The following C2CD3 variants were observed in gnomAD, a reference collection of about 807,000 sequenced individuals.
C2CD3 encodes the protein C2 domain-containing protein 3.
Under a neutral mutation model 234.0 loss-of-function variants are expected in C2CD3, and 148 were observed. That is an observed-to-expected ratio of 0.63 (90% confidence interval 0.55 to 0.72). The LOEUF (loss-of-function observed/expected upper bound fraction) is 0.72. Ranked by LOEUF, C2CD3 falls within the 30% of genes least tolerant of loss-of-function variation. The probability of loss-of-function intolerance (pLI) is 0.00; values close to 1 mark genes in which losing one functional copy is unlikely to be tolerated. For synonymous variants in C2CD3, 1,000 were observed against 1,035.4 expected, an observed-to-expected ratio of 0.97 and a Z score of 0.66; for missense variants, 2,577 against 2,811.5, an observed-to-expected ratio of 0.92 and a Z score of 1.89.
At position 74,139,763 on chromosome 11, in the gene C2CD3, G is replaced by A. The variant is rs1465772934; in HGVS notation, c.549C>T (p.Asp183=). 6.2e-7 allele frequency: 1 copy of A among 1,613,736 alleles called. No homozygotes were observed. Among genetic ancestry groups the A allele is most frequent in the Non-Finnish European group, 8.5e-7 (1 of 1,179,638 alleles). Residue 183 remains aspartate (D), a synonymous_variant, in exon 4 of 33, where the codon GAC becomes GAT. Transcript: ENST00000334126. ...YDSYHPLPTT[D]MTENVLLSKQ... Reference sequence around the variant, plus strand: ...TAGATAAAAGCACATTTTCTGTCATGTCAGTGGTAGGAAGTGGATGGTAGC... The same window carrying A: ...TAGATAAAAGCACATTTTCTGTCATATCAGTGGTAGGAAGTGGATGGTAGC...
intron 7 of C2CD3, among the ~76,000 whole-genome samples, chr11:74,125,099 C>A (rs544970423): frequency 5.5e-4 from 83 of 152,214 alleles, no homozygotes; most frequent in Non-Finnish European, 1.1e-3. Flanking sequence ...AGCTGACTGA[C>A]TCCTCAGAGG....
Position 74,170,865 on chromosome 11 carries a change from C to A in C2CD3, c.-73G>T, listed in dbSNP as rs1857164239. 3 of 1,602,838 alleles carry A rather than the reference C, an allele frequency of 1.9e-6. No homozygotes were observed. In the East Asian group the frequency reaches 6.7e-5, roughly 36 times the overall value. Reference sequence around the variant, plus strand: ...TAAGCAGTATCCTCCCGCCATCCCTCCCCACGGCGCCTGCGTTCCCCGGCA... The same window carrying A: ...TAAGCAGTATCCTCCCGCCATCCCTACCCACGGCGCCTGCGTTCCCCGGCA... On this transcript the variant is annotated 5_prime_UTR_variant, in exon 1 of 33. Coordinates refer to ENST00000334126, the MANE Select transcript of C2CD3 (RefSeq NM_001286577.2).
intron 24 of C2CD3, among the ~76,000 whole-genome samples, chr11:74,071,328 G>A (rs1322960377): frequency 2.6e-5 from 4 of 152,164 alleles, no homozygotes; most frequent in Non-Finnish European, 2.9e-5. Flanking sequence ...CTTTCCAGAC[G>A]TCACTGTTGT....
At chr11:74,165,526 TAAATA>T (rs1856749220) in intron 2 of C2CD3, among the ~76,000 whole-genome samples, 2 of 152,126 alleles carry the variant, frequency 1.3e-5, no homozygotes, top group African/African-American at 2.4e-5. Context: ...CACAAAAGAG[TAAATA>T]AAATAATAAT....
At chr11:74,130,326 A>G (rs1030963353) in intron 7 of C2CD3, among the ~76,000 whole-genome samples, 15 of 151,948 alleles carry the variant, frequency 9.9e-5, no homozygotes, top group Non-Finnish European at 1.5e-4. Context: ...CCTGGGCTCA[A>G]GTAATCCTCC....
chr11:74,064,704 G>T (rs1954422454), intron 24 of C2CD3, among the ~76,000 whole-genome samples: 1 of 152,174 alleles, frequency 6.6e-6, no homozygotes, highest in Non-Finnish European at 1.5e-5. Flanking sequence ...AAACAGCATG[G>T]TACTGGTACC....
At chr11:74,122,910 A>C in intron 8 of C2CD3, 78 bp downstream of exon 8, 1 of 643,220 alleles carries the variant, frequency 1.6e-6, no homozygotes. Context: ...TAAAATGCAT[A>C]GCTGTCATGC....
intron 25 of C2CD3, among the ~76,000 whole-genome samples, chr11:74,056,627 T>C (rs531996726): frequency 3.3e-5 from 5 of 152,282 alleles, no homozygotes; most frequent in South Asian, 2.1e-4. Flanking sequence ...AGAGATGGAG[T>C]TGGAGACCAA....
chr11:74,067,950 A>G (rs1275900965), intron 24 of C2CD3, among the ~76,000 whole-genome samples: 1 of 152,156 alleles, frequency 6.6e-6, no homozygotes, highest in Non-Finnish European at 1.5e-5. Context: ...AAGGATGATG[A>G]TGTAGAGACA....
At chr11:74,084,676 T>C (rs1390019988) in intron 22 of C2CD3, among the ~76,000 whole-genome samples, 1 of 151,908 alleles carries the variant, frequency 6.6e-6, no homozygotes, top group Non-Finnish European at 1.5e-5. Context: ...GTATTCCCGA[T>C]TGCAAATAAA....
At chr11:74,142,633 C>T (rs1854881335) in intron 3 of C2CD3, among the ~76,000 whole-genome samples, 1 of 152,002 alleles carries the variant, frequency 6.6e-6, no homozygotes, top group African/African-American at 2.4e-5. Context: ...GAAATACAAA[C>T]ATTTGAGCTT....
At chr11:74,162,708 A>C (rs918192414) in intron 2 of C2CD3, among the ~76,000 whole-genome samples, 1 of 152,264 alleles carries the variant, frequency 6.6e-6, no homozygotes, top group Non-Finnish European at 1.5e-5. Flanking sequence ...TATTTAGCAT[A>C]GCAAGTATTT....
chr11:74,138,559 C>T (rs1447339220), intron 5 of C2CD3, among the ~76,000 whole-genome samples, 161 bp downstream of exon 5: 1 of 152,162 alleles, frequency 6.6e-6, no homozygotes, highest in Non-Finnish European at 1.5e-5. Flanking sequence ...TTTAATACGG[C>T]TGTCTTTAAA....
intron 8 of C2CD3, among the ~76,000 whole-genome samples, chr11:74,119,434 A>G (rs1470325498): frequency 6.6e-6 from 1 of 152,152 alleles, no homozygotes; most frequent in Non-Finnish European, 1.5e-5. Flanking sequence ...CATTATAGTT[A>G]CTGGGTTCCA....
chr11:74,126,932 C>T (rs920572978), intron 7 of C2CD3, among the ~76,000 whole-genome samples: 3 of 152,148 alleles, frequency 2.0e-5, no homozygotes, highest in African/African-American at 7.2e-5. Context: ...AACTATTAAT[C>T]TATTTTCTGT....
intron 27 of C2CD3, 28 bp from the exon 28 acceptor site, chr11:74,048,366 A>C (rs376207419): frequency 6.2e-7 from 1 of 1,611,018 alleles, no homozygotes; most frequent in African/African-American, 1.3e-5. Flanking sequence ...AAAATGGTAC[A>C]CTTGTCACCA....
Position 74,115,673 on chromosome 11 carries a change from A to C in C2CD3, c.1521-1080T>G, listed in dbSNP as rs539175717. Reference sequence around the variant, plus strand: ...AAAGAGCCCACATAGCCAAAGCAAGATTAAGCAAAAAGAACAAATCTGGAG... The same window carrying C: ...AAAGAGCCCACATAGCCAAAGCAAGCTTAAGCAAAAAGAACAAATCTGGAG... On this transcript the variant is annotated intron_variant, in intron 9 of 32. Transcript: ENST00000334126. Among the ~76,000 whole-genome samples the C allele has an allele frequency of 4.9e-4, 75 of 152,282 alleles. 1 individual carries two copies. The highest frequency in any genetic ancestry group is 3.4e-3 in the Middle Eastern group (1 of 294).
chr11:74,102,997 G>T, intron 14 of C2CD3, 134 bp downstream of exon 14: 1 of 837,462 alleles, frequency 1.2e-6, no homozygotes, highest in Non-Finnish European at 1.9e-6. Context: ...TAGTGGGACT[G>T]AATCTGTACA....
chr11:74,118,692 T>C (rs1361202375), intron 8 of C2CD3, among the ~76,000 whole-genome samples: 1 of 152,206 alleles, frequency 6.6e-6, no homozygotes, highest in Non-Finnish European at 1.5e-5. Context: ...TAATGCTACA[T>C]GTATATTTCT....
Sources: gnomAD v4.1 joint callset for allele counts (sites outside exome capture counted in the v4.1 genomes callset) on GRCh38, gnomAD v4.1.1 for gene constraint, MANE v1.5 for transcripts, NCBI Gene and HGNC (gene_info 2026-07-23, HGNC 2026-07-21) for gene names.